PAPSS2: variants seen among roughly 807,000 people sequenced by gnomAD.
The protein encoded by PAPSS2 is 3'-phosphoadenosine 5'-phosphosulfate synthase 2.
In PAPSS2, 61 loss-of-function variants were observed where a neutral mutation model predicts 66.5. That is an observed-to-expected ratio of 0.92 (90% confidence interval 0.75 to 1.14). The LOEUF is 1.14. Ranked by LOEUF, PAPSS2 falls within the 50% of genes most tolerant of loss-of-function variation. The pLI is 0.00. For missense variants in PAPSS2, 708 were observed against 789.6 expected, an observed-to-expected ratio of 0.90 and a Z score of 1.24; for synonymous variants, 289 against 287.5, an observed-to-expected ratio of 1.01 and a Z score of -0.05.
At chr10:87,673,669 A>G (rs12768724) in intron 1 of PAPSS2, among the ~76,000 whole-genome samples, 70 of 147,756 alleles carry the variant, frequency 4.7e-4, no homozygotes, top group Non-Finnish European at 9.3e-4. Context: ...CAGAAAGCTC[A>G]GAAGTGAATT....
chr10:87,744,881 C>A, intron 11 of PAPSS2, 121 bp from the exon 12 acceptor site: 2 of 825,632 alleles, frequency 2.4e-6, no homozygotes, highest in South Asian at 2.9e-5. Flanking sequence ...GATTTTCTTG[C>A]AATTCTTAGT....
chr10:87,670,576 GCACACACA>G lies in PAPSS2; in HGVS notation c.27+10586_27+10593del, dbSNP rs3221014. 1.8e-3 allele frequency among the ~76,000 whole-genome samples: 268 copies of G among 149,730 alleles called. 3 individuals carry two copies. The highest frequency in any genetic ancestry group is 2.8e-3 in the Non-Finnish European group (190 of 67,210). ...GGAGATGATTGCATAAAAAGATGGA[GCACACACA>G]CACACACACACACACACTCATGCTG... On this transcript the variant is annotated intron_variant, in intron 1 of 12. Coordinates refer to ENST00000456849, the MANE Select transcript of PAPSS2 (RefSeq NM_001015880.2).
At chr10:87,738,039 A>T (rs1853821808) in intron 9 of PAPSS2, among the ~76,000 whole-genome samples, 3 of 152,200 alleles carry the variant, frequency 2.0e-5, no homozygotes, top group African/African-American at 7.2e-5. Flanking sequence ...ATGTTATAGC[A>T]TGTGACAGGA....
rs1020507190 is a variant in PAPSS2, at chr10:87,682,268, G to A, written c.27+22260G>A. Among the ~76,000 whole-genome samples, 5 of 152,316 alleles carry A rather than the reference G, an allele frequency of 3.3e-5. 1 individual carries two copies. In the South Asian group the frequency reaches 1.0e-3, roughly 32 times the overall value. ...GGCTATAGAGCAGCAAAGGTCTACA[G>A]AGGAGCAAAGGGTAACATCCCACTC... On this transcript the variant is annotated intron_variant, in intron 1 of 12. Coordinates refer to ENST00000456849, the MANE Select transcript of PAPSS2 (RefSeq NM_001015880.2).
At chr10:87,736,737 A>G (rs1035675665) in intron 9 of PAPSS2, among the ~76,000 whole-genome samples, 1 of 152,236 alleles carries the variant, frequency 6.6e-6, no homozygotes, top group Non-Finnish European at 1.5e-5. Flanking sequence ...TTTGACAACT[A>G]TGCCTTAATC....
At chr10:87,709,461 C>T in intron 2 of PAPSS2, 148 bp downstream of exon 2, 1 of 537,990 alleles carries the variant, frequency 1.9e-6, no homozygotes, top group Non-Finnish European at 3.4e-6. Context: ...GGTGTTAGTC[C>T]TAACCCTACC....
chr10:87,684,329 A>G (rs571206461), intron 1 of PAPSS2, among the ~76,000 whole-genome samples: 1 of 152,328 alleles, frequency 6.6e-6, no homozygotes, highest in African/African-American at 2.4e-5. Context: ...CATGTTAGAC[A>G]ATATGATTAG....
chr10:87,725,959 G>A (rs1202466105), intron 8 of PAPSS2, among the ~76,000 whole-genome samples: 2 of 150,712 alleles, frequency 1.3e-5, no homozygotes, highest in Non-Finnish European at 2.9e-5. Flanking sequence ...ACCCAGGCTG[G>A]TCACAAACTC....
At position 87,744,965 on chromosome 10, in the gene PAPSS2, C is replaced by T. The variant is rs954983519; in HGVS notation, c.1492-37C>T. ...TAAACCATGACCTACAGATTTGACC[C>T]ACAATGACCAGCATGTCCCTTATGG... On this transcript the variant is annotated intron_variant, in intron 11 of 12. Transcript: ENST00000456849. The T allele has an allele frequency of 7.6e-6, 12 of 1,573,746 alleles. No homozygotes were observed. The East Asian group carries it at 2.7e-4, about 35-fold the overall frequency.
intron 8 of PAPSS2, among the ~76,000 whole-genome samples, chr10:87,723,717 C>A (rs1028236622): frequency 2.0e-5 from 3 of 152,096 alleles, no homozygotes; most frequent in African/African-American, 2.4e-5. Context: ...TTCTAGTAAC[C>A]TTTGGAGAGT....
intron 1 of PAPSS2, among the ~76,000 whole-genome samples, chr10:87,688,199 G>A (rs894836675): frequency 1.3e-5 from 2 of 151,564 alleles, no homozygotes; most frequent in Non-Finnish European, 2.9e-5. Flanking sequence ...TAATATTCTA[G>A]TTAAAAATTA....
intron 11 of PAPSS2, 53 bp downstream of exon 11, chr10:87,743,694 T>C (rs1853902192): frequency 6.2e-7 from 1 of 1,601,660 alleles, no homozygotes. Flanking sequence ...GACTCAGACT[T>C]TACATAGAAG....
chr10:87,671,347 A>G (rs1241352964), intron 1 of PAPSS2, among the ~76,000 whole-genome samples: 1 of 152,182 alleles, frequency 6.6e-6, no homozygotes, highest in Non-Finnish European at 1.5e-5. Context: ...ATGTTGTGTA[A>G]TCTTTAGAAG....
At chr10:87,706,108 A>ATATATATATGTGTGTGTGTGTGTGTGTG in intron 1 of PAPSS2, among the ~76,000 whole-genome samples, 14 of 52,004 alleles carry the variant, frequency 2.7e-4, no homozygotes, top group African/African-American at 1.2e-3. Context: ...ATATATATAT[A>ATATATATATGTGTGTGTGTGTGTGTGTG]TGTGTGTGTG....
At chr10:87,705,694 A>G (rs1018936276) in intron 1 of PAPSS2, among the ~76,000 whole-genome samples, 2 of 151,640 alleles carry the variant, frequency 1.3e-5, no homozygotes, top group Admixed American at 6.6e-5. Context: ...TGACTGTTCA[A>G]ATCTTTTTCC....
chr10:87,723,797 C>T (rs541900622), intron 8 of PAPSS2, among the ~76,000 whole-genome samples: 18 of 152,214 alleles, frequency 1.2e-4, no homozygotes, highest in East Asian at 1.9e-4. Context: ...TCTTATGCCC[C>T]GAAGGAATAG....
At position 87,714,836 on chromosome 10, in the gene PAPSS2, C is replaced by G. The variant is rs17125223; in HGVS notation, c.612C>G (p.His204Gln). 5.2e-5 allele frequency: 84 copies of G among 1,609,968 alleles called. No homozygotes were observed. The highest frequency in any genetic ancestry group is 6.1e-5 in the Non-Finnish European group (72 of 1,176,356). ...TGTCCACAGTGAGTGACTGTGTCCA[C>G]CAGGTAGTGGAACTTCTGCAAGAGC... ...TNLSTVSDCV[H>Q]QVVELLQEQN... Residue 204 changes from histidine (H) to glutamine (Q), a missense_variant, in exon 5 of 13, where the codon CAC (histidine) becomes CAG (glutamine). Coordinates refer to ENST00000456849, the MANE Select transcript of PAPSS2 (RefSeq NM_001015880.2).
intron 1 of PAPSS2, among the ~76,000 whole-genome samples, chr10:87,671,713 G>A (rs777425673): frequency 5.3e-5 from 8 of 152,262 alleles, no homozygotes; most frequent in South Asian, 2.1e-4. Context: ...TTAATATTTC[G>A]TGGTTCAGGG....
intron 1 of PAPSS2, chr10:87,660,906 T>C (rs1255464472): frequency 6.7e-6 from 3 of 448,876 alleles, no homozygotes; most frequent in Non-Finnish European, 1.3e-5. Flanking sequence ...ACGTCAGATG[T>C]GGTCAGCAAG....
Sources: allele counts gnomAD v4.1 joint callset (sites outside exome capture counted in the v4.1 genomes callset), GRCh38; gene constraint gnomAD v4.1.1; transcripts MANE v1.5; gene names NCBI Gene and HGNC (gene_info 2026-07-23, HGNC 2026-07-21).